CDH4: variants seen among roughly 807,000 people sequenced by gnomAD.
CDH4 encodes cadherin-4.
A neutral mutation model predicts 86.0 loss-of-function variants in CDH4; 33 were observed. That is an observed-to-expected ratio of 0.38 (90% CI 0.29 to 0.51). CDH4 has a LOEUF of 0.51. CDH4 is among the 20% of genes least tolerant of loss of function. The pLI, the probability that CDH4 is intolerant of heterozygous loss-of-function variation, is 0.86. For missense variants in CDH4, 1,114 were observed against 1,307.4 expected (o/e 0.85, Z 2.28); for synonymous variants, 555 against 549.4 (o/e 1.01, Z -0.14).
intron 7 of CDH4, among the ~76,000 whole-genome samples, chr20:61,893,018 TGG>T (rs1984891891): frequency 2.9e-4 from 3 of 10,462 alleles, no homozygotes; most frequent in Admixed American, 1.3e-3. Flanking sequence ...GATGGGTGGG[TGG>T]GAGGGTGGAT....
chr20:61,405,510 C>A (rs1223845374), intron 2 of CDH4, among the ~76,000 whole-genome samples: 2 of 152,068 alleles, frequency 1.3e-5, no homozygotes, highest in Admixed American at 1.3e-4. Flanking sequence ...ACCGCAGCCC[C>A]AATCCCTGGT....
In CDH4 at chr20:61,381,002, C is replaced by T. The variant is rs989698711; in HGVS notation, c.169+126065C>T. Among the ~76,000 whole-genome samples the T allele has an allele frequency of 3.9e-5, 6 of 152,328 alleles. No homozygotes were observed. The East Asian group carries it at 5.8e-4, about 15-fold the overall frequency. ...TATTTGAAAACTACAAGCTACGCAGCGTGACATAGTCCCTGTCTGAATTCG... is the reference window on the plus strand; with the variant it reads ...TATTTGAAAACTACAAGCTACGCAGTGTGACATAGTCCCTGTCTGAATTCG... On this transcript the variant is annotated intron_variant, in intron 2 of 15. Coordinates refer to ENST00000614565, the MANE Select transcript of CDH4 (RefSeq NM_001794.5).
chr20:61,799,212 A>G (rs1014684558), intron 4 of CDH4, among the ~76,000 whole-genome samples: 1 of 152,220 alleles, frequency 6.6e-6, no homozygotes. Context: ...CTATGAGGAA[A>G]TTACGTGTGG....
intron 2 of CDH4, among the ~76,000 whole-genome samples, chr20:61,583,835 A>T (rs546393388): frequency 1.3e-5 from 2 of 152,146 alleles, no homozygotes; most frequent in South Asian, 4.1e-4. Flanking sequence ...ACAGCCACAC[A>T]CTCCTTCAAG....
intron 3 of CDH4, among the ~76,000 whole-genome samples, chr20:61,767,029 C>A (rs1337556177): frequency 6.6e-6 from 1 of 152,220 alleles, no homozygotes; most frequent in African/African-American, 2.4e-5. Context: ...TCCTGGCCTT[C>A]CAAGCTTGAG....
intron 2 of CDH4, among the ~76,000 whole-genome samples, chr20:61,383,744 A>C (rs1045143204): frequency 3.6e-5 from 5 of 137,906 alleles, no homozygotes; most frequent in Non-Finnish European, 7.6e-5. Context: ...GATATATATG[A>C]AGATATATGC....
chr20:61,927,826 G>T (rs1234753627), intron 11 of CDH4, among the ~76,000 whole-genome samples: 3 of 152,182 alleles, frequency 2.0e-5, no homozygotes, highest in African/African-American at 7.2e-5. Flanking sequence ...GTGTGTGCAG[G>T]TGTGGGTGTG....
chr20:61,931,354 C>T (rs190600188), intron 13 of CDH4, among the ~76,000 whole-genome samples: 6 of 152,344 alleles, frequency 3.9e-5, no homozygotes, highest in South Asian at 4.1e-4. Context: ...AAGCGTCCCC[C>T]GGCTGTCACC....
intron 2 of CDH4, among the ~76,000 whole-genome samples, chr20:61,294,324 CG>C (rs945363063): frequency 6.6e-6 from 1 of 152,160 alleles, no homozygotes; most frequent in African/African-American, 2.4e-5. Flanking sequence ...TCTGGGGCAA[CG>C]GGGGTGAAGT....
intron 2 of CDH4, among the ~76,000 whole-genome samples, chr20:61,632,287 C>G (rs919425384): frequency 1.3e-5 from 2 of 152,132 alleles, no homozygotes; most frequent in African/African-American, 4.8e-5. Flanking sequence ...CAGTTGGAGG[C>G]CTTGCCCTGC....
intron 2 of CDH4, among the ~76,000 whole-genome samples, chr20:61,481,783 T>TTA (rs11471815): frequency 0.06 from 9,140 of 152,276 alleles, 962 homozygotes; most frequent in African/African-American, 0.21. Context: ...GTTTGTGCCG[T>TTA]TATGTATATA....
At chr20:61,858,411 G>A (rs1370191093) in intron 6 of CDH4, among the ~76,000 whole-genome samples, 1 of 151,022 alleles carries the variant, frequency 6.6e-6, no homozygotes, top group African/African-American at 2.4e-5. Context: ...CTGTGTGTCT[G>A]CGTCTGTGTG....
intron 5 of CDH4, among the ~76,000 whole-genome samples, chr20:61,851,779 C>T (rs1982736917): frequency 6.6e-6 from 1 of 152,202 alleles, no homozygotes; most frequent in Non-Finnish European, 1.5e-5. Flanking sequence ...GGTCTCAGCT[C>T]AAGCAGCCCC....
chr20:61,609,835 C>T (rs1040128181), intron 2 of CDH4, among the ~76,000 whole-genome samples: 3 of 152,162 alleles, frequency 2.0e-5, no homozygotes, highest in African/African-American at 7.2e-5. Context: ...ATTTGTTTTT[C>T]CTGTGTTTTT....
At position 61,922,180 on chromosome 20, in the gene CDH4, A is replaced by G. The variant is rs181737630; in HGVS notation, c.1375-1271A>G. On this transcript the variant is annotated intron_variant, in intron 9 of 15. Coordinates refer to ENST00000614565, the MANE Select transcript of CDH4 (RefSeq NM_001794.5). ...CTACGCAATGAATACTCTTATGCAT[A>G]TGTTACTTTGCACGTATCTAAGCAG... Among the ~76,000 whole-genome samples the G allele has an allele frequency of 1.9e-3, 295 of 152,338 alleles. 2 individuals are homozygous for G. Among genetic ancestry groups the G allele is most frequent in the African/African-American group, 6.2e-3 (259 of 41,578 alleles).
Position 61,404,052 on chromosome 20 carries a change from G to A in CDH4, c.169+149115G>A, listed in dbSNP as rs145243056. Among the ~76,000 whole-genome samples the A allele has an allele frequency of 1.9e-3, 294 of 152,276 alleles. 1 individual carries two copies. The highest frequency in any genetic ancestry group is 6.3e-3 in the African/African-American group (263 of 41,552). Reference sequence around the variant, plus strand: ...AAAGGACCATGTCTTTTCACATGCCGTTGATCAGAAAGTACAGCTTGGACT... The same window carrying A: ...AAAGGACCATGTCTTTTCACATGCCATTGATCAGAAAGTACAGCTTGGACT... On this transcript the variant is annotated intron_variant, in intron 2 of 15. Transcript: ENST00000614565.
intron 2 of CDH4, among the ~76,000 whole-genome samples, chr20:61,720,614 C>T (rs1335923868): frequency 6.6e-6 from 1 of 151,154 alleles, no homozygotes; most frequent in Non-Finnish European, 1.5e-5. Flanking sequence ...GTGCAGCATG[C>T]AGGGGTGCAG....
intron 2 of CDH4, among the ~76,000 whole-genome samples, chr20:61,641,598 C>T (rs538779530): frequency 5.3e-5 from 8 of 152,170 alleles, no homozygotes; most frequent in Non-Finnish European, 1.0e-4. Flanking sequence ...ACCACACCTA[C>T]AGCTTTGGGA....
chr20:61,450,593 T>C (rs2085374007), intron 2 of CDH4, among the ~76,000 whole-genome samples: 1 of 152,034 alleles, frequency 6.6e-6, no homozygotes, highest in Admixed American at 6.5e-5. Flanking sequence ...TGCAAATACG[T>C]TTGAGGTTCT....
Sources: gnomAD v4.1 joint callset for allele counts (sites outside exome capture counted in the v4.1 genomes callset) on GRCh38, gnomAD v4.1.1 for gene constraint, MANE v1.5 for transcripts, NCBI Gene and HGNC (gene_info 2026-07-23, HGNC 2026-07-21) for gene names.